SCN1A: variants seen among roughly 807,000 people sequenced by gnomAD.
SCN1A encodes the protein sodium voltage-gated channel alpha subunit 1, also known as sodium channel protein type 1 subunit alpha.
SCN1A carries 13 observed loss-of-function variants against 193.7 expected under a neutral mutation model. The observed-to-expected ratio is 0.07, with a 90% CI of 0.04 to 0.11. SCN1A has a LOEUF of 0.11. Ranked by LOEUF, SCN1A falls within the 10% of genes least tolerant of loss-of-function variation. The pLI, the probability that SCN1A is intolerant of heterozygous loss-of-function variation, is 1.00. For synonymous variants in SCN1A, 781 were observed against 843.6 expected, an observed-to-expected ratio of 0.93 and a Z score of 1.29; for missense variants, 1,432 against 2,451.1, an observed-to-expected ratio of 0.58 and a Z score of 8.78.
chr2:166,012,628 T>G (rs1692668542), intron 21 of SCN1A, among the ~76,000 whole-genome samples: 1 of 146,932 alleles, frequency 6.8e-6, no homozygotes, highest in Non-Finnish European at 1.5e-5. Flanking sequence ...TTTTTTTTTT[T>G]TTTTTTTGCT....
chr2:166,093,385 C>G (rs754011591), intron 2 of SCN1A, among the ~76,000 whole-genome samples: 6 of 151,738 alleles, frequency 4.0e-5, no homozygotes, highest in Non-Finnish European at 7.4e-5. Flanking sequence ...GTCGCCCAGG[C>G]TGGAGTGCAG....
chr2:166,039,510 G>C lies in SCN1A; in HGVS notation c.2502C>G (p.Ile834Met). Residue 834 changes from isoleucine to methionine, a missense_variant, in exon 17 of 29, where the codon ATC becomes ATG. Physicochemically the swap from Ile to Met is conservative, Grantham distance 10. Transcript: ENST00000674923. ...TAAGCGTCACAATAAAACCGTCAAA[G>C]ATATTCCAGCCTTCTTGGAAATAAT... ...PYYYFQEGWN[I>M]FDGFIVTLSL... 1 of 1,612,940 alleles carries C rather than the reference G, an allele frequency of 6.2e-7. No homozygotes were observed. The highest frequency in any genetic ancestry group is 8.5e-7 in the Non-Finnish European group (1 of 1,179,700).
chr2:166,102,532 A>G (rs1688217890), intron 2 of SCN1A, among the ~76,000 whole-genome samples: 1 of 151,742 alleles, frequency 6.6e-6, no homozygotes, highest in Non-Finnish European at 1.5e-5. Context: ...AAGAAAAAAA[A>G]AAAGTCAGAA....
rs568280322 is a variant in SCN1A at position 166,067,856 on chromosome 2, C to T, written c.264+5502G>A. 4.6e-5 allele frequency among the ~76,000 whole-genome samples: 7 copies of T among 152,244 alleles called. No homozygotes were observed. In the South Asian group the frequency reaches 1.5e-3, roughly 32 times the overall value. ...GGTTAGTATATGACAGAGACCATCC[C>T]ATACCAAGGAGACCATCACATACCA... is the stretch of plus-strand genomic sequence containing the variant. On this transcript the variant is annotated intron_variant, in intron 4 of 28. Coordinates refer to ENST00000674923, the MANE Select transcript of SCN1A (RefSeq NM_001165963.4).
At chr2:166,005,879 G>GAATT (rs1691584326) in intron 23 of SCN1A, among the ~76,000 whole-genome samples, 1 of 151,328 alleles carries the variant, frequency 6.6e-6, no homozygotes, top group African/African-American at 2.4e-5. Flanking sequence ...CTATCTTAAT[G>GAATT]AATTAATACT....
At chr2:166,025,679 AT>A (rs942153312) in intron 19 of SCN1A, among the ~76,000 whole-genome samples, 10 of 151,598 alleles carry the variant, frequency 6.6e-5, no homozygotes, top group East Asian at 3.9e-4. Flanking sequence ...TGTCTTACTG[AT>A]TTTTTTTTCC....
intron 23 of SCN1A, among the ~76,000 whole-genome samples, chr2:166,006,838 C>T (rs549605825): frequency 6.0e-5 from 9 of 151,254 alleles, no homozygotes; most frequent in Non-Finnish European, 1.0e-4. Flanking sequence ...ATGTACTAAA[C>T]AGCAGGGGCT....
chr2:166,015,946 T>C, intron 19 of SCN1A: 1 of 535,558 alleles, frequency 1.9e-6, no homozygotes, highest in Non-Finnish European at 3.3e-6. Context: ...ATCAGATTGC[T>C]ATGTTATGAG....
At chr2:166,084,632 TG>T (rs745375472) in intron 2 of SCN1A, among the ~76,000 whole-genome samples, 12 of 152,178 alleles carry the variant, frequency 7.9e-5, no homozygotes, top group African/African-American at 1.4e-4. Context: ...GGTTGGGGGT[TG>T]GGAGGAAGGA....
chr2:166,065,904 C>T (rs1477639436), intron 4 of SCN1A, among the ~76,000 whole-genome samples: 1 of 151,988 alleles, frequency 6.6e-6, no homozygotes, highest in Non-Finnish European at 1.5e-5. Context: ...TTATAAATGC[C>T]AGAAAATAAT....
chr2:166,065,544 G>T (rs764463644), intron 4 of SCN1A, among the ~76,000 whole-genome samples: 54 of 152,268 alleles, frequency 3.5e-4, no homozygotes, highest in Middle Eastern at 3.4e-3. Context: ...ACTGGGGGAT[G>T]AAAAGTTTTC....
chr2:166,143,100 A>T (rs923591826), intron 1 of SCN1A, among the ~76,000 whole-genome samples: 27 of 151,698 alleles, frequency 1.8e-4, no homozygotes, highest in Non-Finnish European at 2.6e-4. Flanking sequence ...AAGGAATGCC[A>T]CTTTATCAGA....
At chr2:166,010,502 C>A (rs1432588351) in intron 22 of SCN1A, among the ~76,000 whole-genome samples, 1 of 151,124 alleles carries the variant, frequency 6.6e-6, no homozygotes, top group African/African-American at 2.4e-5. Context: ...GAATATTTAC[C>A]AAATACACAC....
At chr2:166,031,479 T>C (rs557269473) in intron 19 of SCN1A, among the ~76,000 whole-genome samples, 1 of 152,248 alleles carries the variant, frequency 6.6e-6, no homozygotes, top group African/African-American at 2.4e-5. Flanking sequence ...CTTAGAAAAG[T>C]AATTTTCTTA....
intron 22 of SCN1A, 47 bp downstream of exon 22, chr2:166,012,062 T>C (rs1490817003): frequency 1.3e-6 from 2 of 1,556,772 alleles, no homozygotes; most frequent in South Asian, 2.2e-5. Context: ...TGAATATAAA[T>C]AAGACAAGCT....
intron 24 of SCN1A, chr2:165,999,994 C>A: frequency 1.8e-6 from 1 of 568,262 alleles, no homozygotes; most frequent in Non-Finnish European, 3.2e-6. Context: ...ATATCCTCCC[C>A]TTGATAACCA....
chr2:166,141,307 ATTTT>A (rs67088633), intron 1 of SCN1A, among the ~76,000 whole-genome samples: 6 of 150,630 alleles, frequency 4.0e-5, no homozygotes, highest in Admixed American at 6.6e-5. Context: ...ATCGCTGTTA[ATTTT>A]TTTTTTTTTA....
chr2:166,128,700 C>T (rs528193244), upstream of SCN1A, among the ~76,000 whole-genome samples: 2 of 152,278 alleles, frequency 1.3e-5, no homozygotes, highest in East Asian at 3.9e-4. Flanking sequence ...TATTTTACTC[C>T]AATGTTTTCC....
chr2:166,046,360 A>G (rs1697820948), intron 12 of SCN1A, among the ~76,000 whole-genome samples: 1 of 152,164 alleles, frequency 6.6e-6, no homozygotes, highest in African/African-American at 2.4e-5. Context: ...GTTAAAAGCC[A>G]ACATATTTTT....
Sources: gnomAD v4.1 joint callset for allele counts (sites outside exome capture counted in the v4.1 genomes callset) on GRCh38, gnomAD v4.1.1 for gene constraint, MANE v1.5 for transcripts, NCBI Gene and HGNC (gene_info 2026-07-23, HGNC 2026-07-21) for gene names.